The following HACD2 variants were observed in gnomAD, a reference collection of about 807,000 sequenced individuals.
HACD2 encodes the protein 3-hydroxyacyl-CoA dehydratase 2, also known as very-long-chain (3R)-3-hydroxyacyl-CoA dehydratase 2.
Under a neutral mutation model 31.0 loss-of-function variants are expected in HACD2, and 15 were observed. The ratio of observed to expected loss-of-function variants is 0.48; its 90% CI spans 0.32 to 0.75. HACD2 has a LOEUF of 0.75. Among genes scored for constraint, HACD2 ranks in the 30% least tolerant of loss-of-function variants. HACD2 has a pLI of 0.03. For missense variants in HACD2, 283 were observed against 313.0 expected (o/e 0.90, Z 0.72); for synonymous variants, 115 against 122.2 (o/e 0.94, Z 0.39).
Position 123,582,296 on chromosome 3 carries a change from T to C in HACD2, c.189A>G (p.Ala63=). Residue 63 remains alanine, a synonymous_variant, in exon 2 of 7, where the codon GCA becomes GCG. Transcript: ENST00000383657. ...WLVIAVGLVR[A]YLAKGSYHSL... The stretch of plus-strand genomic sequence containing the variant: ...TATGGTAGCTACCCTTAGCCAGGTA[T>C]GCTCGGACCAGACCAACCGCTATAA... 2.5e-6 allele frequency: 4 copies of C among 1,607,536 alleles called. No homozygotes were observed. Among genetic ancestry groups the C allele is most frequent in the Non-Finnish European group, 3.4e-6 (4 of 1,177,014 alleles).
chr3:123,512,055 A>G (rs1187069341), intron 4 of HACD2, among the ~76,000 whole-genome samples: 1 of 152,128 alleles, frequency 6.6e-6, no homozygotes, highest in African/African-American at 2.4e-5. Flanking sequence ...CATGCTTTTT[A>G]TACAGCCTGC....
intron 4 of HACD2, among the ~76,000 whole-genome samples, chr3:123,510,938 T>G (rs1220594475): frequency 2.1e-5 from 3 of 144,620 alleles, no homozygotes; most frequent in African/African-American, 5.4e-5. Context: ...CTGTGTTTTT[T>G]TTTTTTGTTT....
intron 3 of HACD2, among the ~76,000 whole-genome samples, chr3:123,566,085 A>G (rs1270646731): frequency 6.6e-6 from 1 of 152,140 alleles, no homozygotes; most frequent in African/African-American, 2.4e-5. Context: ...GGTCCTAAGC[A>G]GTATTTCTTA....
At chr3:123,547,375 A>C (rs957915042) in intron 3 of HACD2, among the ~76,000 whole-genome samples, 4 of 152,222 alleles carry the variant, frequency 2.6e-5, no homozygotes, top group Admixed American at 2.0e-4. Flanking sequence ...TTCACAGTAG[A>C]TAAAGTACTG....
chr3:123,544,291 C>T (rs376233112), intron 3 of HACD2, among the ~76,000 whole-genome samples: 2 of 152,246 alleles, frequency 1.3e-5, no homozygotes. Flanking sequence ...ATAGCCCGCA[C>T]CTAACAATTC....
chr3:123,567,720 C>A, intron 3 of HACD2, 42 bp downstream of exon 3: 2 of 1,249,062 alleles, frequency 1.6e-6, no homozygotes, highest in Non-Finnish European at 2.1e-6. Context: ...TTTAAATAAG[C>A]AGAATTCACT....
chr3:123,583,331 C>T (rs2056986039), intron 1 of HACD2, among the ~76,000 whole-genome samples: 1 of 152,170 alleles, frequency 6.6e-6, no homozygotes, highest in Non-Finnish European at 1.5e-5. Context: ...TACCAATGTA[C>T]CTCAAAATCC....
intron 4 of HACD2, 133 bp downstream of exon 4, chr3:123,528,253 G>T: frequency 1.6e-6 from 1 of 638,734 alleles, no homozygotes. Context: ...GTGAATGTGA[G>T]CTTTATCTCA....
At chr3:123,580,132 A>C (rs1228052188) in intron 2 of HACD2, among the ~76,000 whole-genome samples, 1 of 151,474 alleles carries the variant, frequency 6.6e-6, no homozygotes, top group Non-Finnish European at 1.5e-5. Flanking sequence ...CCACCACTGC[A>C]CTCCTGCCTG....
At chr3:123,566,699 C>A (rs1162213993) in intron 3 of HACD2, among the ~76,000 whole-genome samples, 3 of 151,968 alleles carry the variant, frequency 2.0e-5, no homozygotes, top group Admixed American at 6.5e-5. Flanking sequence ...GAGTTTGAGA[C>A]CAGGCTGGCC....
At chr3:123,534,995 C>T (rs2056408440) in intron 3 of HACD2, among the ~76,000 whole-genome samples, 1 of 152,056 alleles carries the variant, frequency 6.6e-6, no homozygotes, top group South Asian at 2.1e-4. Flanking sequence ...AAGAAGGTTA[C>T]AATAAGCTAA....
chr3:123,558,270 A>G (rs1459333505), intron 3 of HACD2, among the ~76,000 whole-genome samples: 1 of 152,252 alleles, frequency 6.6e-6, no homozygotes, highest in African/African-American at 2.4e-5. Flanking sequence ...ATAAACAGGT[A>G]GAGTACAGAA....
chr3:123,500,302 A>G (rs1181186745), intron 6 of HACD2, among the ~76,000 whole-genome samples: 1 of 152,202 alleles, frequency 6.6e-6, no homozygotes, highest in Non-Finnish European at 1.5e-5. Flanking sequence ...GAAGGGCTGC[A>G]TTTTGGCAAC....
intron 3 of HACD2, among the ~76,000 whole-genome samples, chr3:123,534,798 T>TTGTGTGTGTGTGTCTG (rs1553759163): frequency 6.7e-6 from 1 of 149,090 alleles, no homozygotes; most frequent in Non-Finnish European, 1.5e-5. Context: ...AGACGTAGGC[T>TTGTGTGTGTGTGTCTG]TGTGTGTGTG....
intron 4 of HACD2, among the ~76,000 whole-genome samples, chr3:123,511,476 C>T (rs2056062682): frequency 6.6e-6 from 1 of 152,140 alleles, no homozygotes; most frequent in South Asian, 2.1e-4. Context: ...GTGATGTTTA[C>T]TTAGTGTCAA....
chr3:123,548,989 G>C (rs1024372049), intron 3 of HACD2, among the ~76,000 whole-genome samples: 1 of 149,422 alleles, frequency 6.7e-6, no homozygotes, highest in Middle Eastern at 3.4e-3. Context: ...TAATGATCTC[G>C]TATGTTTGTT....
intron 1 of HACD2, among the ~76,000 whole-genome samples, chr3:123,582,803 A>G (rs1377735735): frequency 1.3e-5 from 2 of 152,208 alleles, no homozygotes; most frequent in Non-Finnish European, 2.9e-5. Context: ...CCCATACCTT[A>G]AAATCTATCC....
rs368760957 is a variant in HACD2 at position 123,547,063 on chromosome 3, AT to A, written c.293-18590del. On this transcript the variant is annotated intron_variant, in intron 3 of 6. Transcript: ENST00000383657. Reference sequence around the variant, plus strand: ...GTATTCATGAACATCTTTTAAAAACATCTTTCTAGAGCCAAGAATGTGGCAA... The same window carrying A: ...GTATTCATGAACATCTTTTAAAAACACTTTCTAGAGCCAAGAATGTGGCAA... Among the ~76,000 whole-genome samples, 851 of 152,332 alleles carry A rather than the reference AT, an allele frequency of 5.6e-3. 10 individuals carry two copies. Among genetic ancestry groups the A allele is most frequent in the African/African-American group, 0.02 (817 of 41,586 alleles).
chr3:123,522,224 C>A (rs2056224424), intron 4 of HACD2, among the ~76,000 whole-genome samples: 1 of 151,130 alleles, frequency 6.6e-6, no homozygotes, highest in South Asian at 2.1e-4. Context: ...GAGGCCAAGG[C>A]TGGAGAATAG....
Sources: gnomAD v4.1 joint callset for allele counts (sites outside exome capture counted in the v4.1 genomes callset) on GRCh38, gnomAD v4.1.1 for gene constraint, MANE v1.5 for transcripts, NCBI Gene and HGNC (gene_info 2026-07-23, HGNC 2026-07-21) for gene names.